MED12L: variants seen among roughly 807,000 people sequenced by gnomAD.
MED12L encodes the protein mediator complex subunit 12L, also known as mediator of RNA polymerase II transcription subunit 12-like protein.
A neutral mutation model predicts 281.3 loss-of-function variants in MED12L; 60 were observed. The observed-to-expected ratio is 0.21, with a 90% CI of 0.17 to 0.26. The LOEUF (loss-of-function observed/expected upper bound fraction) is 0.26. Among genes scored for constraint, MED12L ranks in the 10% least tolerant of loss-of-function variants. The pLI, the probability that MED12L is intolerant of heterozygous loss-of-function variation, is 1.00. For synonymous variants in MED12L, 974 were observed against 987.2 expected (o/e 0.99, Z 0.25); for missense variants, 2,146 against 2,680.9 (o/e 0.80, Z 4.41).
chr3:151,267,420 A>T (rs1740048114), intron 16 of MED12L, among the ~76,000 whole-genome samples: 1 of 152,194 alleles, frequency 6.6e-6, no homozygotes, highest in Non-Finnish European at 1.5e-5. Flanking sequence ...TATCAAGGTT[A>T]TATGTTACTT....
In MED12L at chr3:151,091,594, G is replaced by A. The variant is rs773827388; in HGVS notation, c.99+4569G>A. 4.7e-4 allele frequency among the ~76,000 whole-genome samples: 72 copies of A among 152,222 alleles called. 1 individual carries two copies. The highest frequency in any genetic ancestry group is 1.6e-4 in the Non-Finnish European group (11 of 68,044). ...GAAGTTGCAGTAGTTTGGTTTAACAGCCAACCCAGCCAAGATTTGGTGTTC... is the reference window on the plus strand; with the variant it reads ...GAAGTTGCAGTAGTTTGGTTTAACAACCAACCCAGCCAAGATTTGGTGTTC... On this transcript the variant is annotated intron_variant, in intron 2 of 44. Transcript: ENST00000687756.
In MED12L at chr3:151,158,681, C is replaced by A; in HGVS notation, c.727-8C>A. 3 of 1,570,626 alleles carry A rather than the reference C, an allele frequency of 1.9e-6. No individual in the cohort carries two copies. The highest frequency in any genetic ancestry group is 2.3e-5 in the East Asian group (1 of 44,436). ...ATTATTAATGTAATTTTTCTTTGTT[C>A]ATTTAAGGAAGGAATGTTAGAAAAA... On this transcript the variant is annotated splice_polypyrimidine_tract_variant and splice_region_variant and intron_variant, in intron 6 of 44. Transcript: ENST00000687756.
chr3:151,246,383 A>G lies in MED12L; in HGVS notation c.2250+52717A>G, dbSNP rs1735476281. 5.3e-5 allele frequency among the ~76,000 whole-genome samples: 8 copies of G among 152,072 alleles called. 2 individuals carry two copies. The highest frequency in any genetic ancestry group is 5.2e-4 in the Admixed American group (8 of 15,270). On this transcript the variant is annotated intron_variant, in intron 16 of 44. Transcript: ENST00000687756. ...TGACTTCAAACTATACTACAAGGCTACAGTAACCAAAACAGCATGGTACTG... is the reference window on the plus strand; with the variant it reads ...TGACTTCAAACTATACTACAAGGCTGCAGTAACCAAAACAGCATGGTACTG...
At chr3:151,266,342 T>C (rs1739832341) in intron 16 of MED12L, among the ~76,000 whole-genome samples, 1 of 152,222 alleles carries the variant, frequency 6.6e-6, no homozygotes, top group Non-Finnish European at 1.5e-5. Context: ...TATCACTGCA[T>C]GTGTCTGGAA....
rs765736163 is a variant in MED12L at position 151,387,845 on chromosome 3, G to T, written c.5124G>T (p.Pro1708=). 7.6e-5 allele frequency: 123 copies of T among 1,613,814 alleles called. No homozygotes were observed. Among genetic ancestry groups the T allele is most frequent in the Non-Finnish European group, 9.9e-5 (117 of 1,179,902 alleles). Residue 1708 remains proline (P), a synonymous_variant, in exon 37 of 45, where the codon CCG becomes CCT. Coordinates refer to ENST00000687756, the MANE Select transcript of MED12L (RefSeq NM_001393769.1). ...TCTCTACGAAGCAGAAGGTGTCCCC[G>T]TGGGACTTGTTTGAGGGTCAGAAGA... The part of the protein sequence containing the change: ...LQVSTKQKVS[P]WDLFEGQKNP...
At chr3:151,098,457 G>T (rs962720993) in intron 2 of MED12L, among the ~76,000 whole-genome samples, 1 of 152,164 alleles carries the variant, frequency 6.6e-6, no homozygotes, top group African/African-American at 2.4e-5. Context: ...GCAGGGCCAC[G>T]TTCCCTCTGA....
chr3:151,380,085 T>A (rs771209990), intron 31 of MED12L, 28 bp from the exon 32 acceptor site: 1 of 1,359,348 alleles, frequency 7.4e-7, no homozygotes, highest in Admixed American at 2.2e-5. Context: ...TCTAACTAGA[T>A]CTGTTGTTAT....
At chr3:151,269,490 A>T (rs765814858) in intron 16 of MED12L, 5 of 290,898 alleles carry the variant, frequency 1.7e-5, no homozygotes, top group Admixed American at 4.5e-5. Context: ...GTGAAAGCAG[A>T]ACAGAAGTAT....
chr3:151,313,443 A>G (rs182340901), intron 16 of MED12L, among the ~76,000 whole-genome samples: 1 of 152,262 alleles, frequency 6.6e-6, no homozygotes, highest in Non-Finnish European at 1.5e-5. Flanking sequence ...CAGTGGTTCA[A>G]GGTCAGAGCT....
chr3:151,304,524 C>T (rs1270724597), intron 16 of MED12L, among the ~76,000 whole-genome samples: 1 of 151,712 alleles, frequency 6.6e-6, no homozygotes, highest in Non-Finnish European at 1.5e-5. Flanking sequence ...GAGCCGAGGT[C>T]ATGCCATTGC....
intron 16 of MED12L, among the ~76,000 whole-genome samples, chr3:151,333,827 CCT>C (rs1750624247): frequency 2.0e-5 from 3 of 152,136 alleles, no homozygotes; most frequent in African/African-American, 7.2e-5. Flanking sequence ...CACCTGTAAT[CCT>C]AGCACTTTAG....
At chr3:151,336,315 T>A (rs1446161815) in intron 16 of MED12L, among the ~76,000 whole-genome samples, 1 of 152,208 alleles carries the variant, frequency 6.6e-6, no homozygotes, top group African/African-American at 2.4e-5. Flanking sequence ...AGTGCTCACT[T>A]TTAGTGGTGC....
chr3:151,191,931 C>A (rs1314150086), intron 14 of MED12L, among the ~76,000 whole-genome samples: 8 of 151,500 alleles, frequency 5.3e-5, no homozygotes, highest in African/African-American at 1.9e-4. Context: ...AAAAAAAAAA[C>A]ACCTCACAGT....
chr3:151,242,752 C>A (rs2149391269), intron 16 of MED12L, among the ~76,000 whole-genome samples: 1 of 152,310 alleles, frequency 6.6e-6, no homozygotes, highest in African/African-American at 2.4e-5. Flanking sequence ...AGCAGCGGAA[C>A]AAAGCTGGAT....
At chr3:151,242,470 A>C (rs1270813190) in intron 16 of MED12L, among the ~76,000 whole-genome samples, 1 of 151,652 alleles carries the variant, frequency 6.6e-6, no homozygotes, top group African/African-American at 2.4e-5. Flanking sequence ...CTGACCCCTG[A>C]GCAGCCTAAC....
intron 16 of MED12L, chr3:151,269,422 CACACACACACACACACACAA>C (rs1361224071): frequency 4.7e-6 from 1 of 214,286 alleles, no homozygotes; most frequent in African/African-American, 2.4e-5. Context: ...CACACACACA[CACACACACACACACACACAA>C]AATTCAGAGA....
chr3:151,294,849 C>G, intron 16 of MED12L: 1 of 1,613,960 alleles, frequency 6.2e-7, no homozygotes, highest in Non-Finnish European at 8.5e-7. Flanking sequence ...CTTATCAGCC[C>G]AAGGAACACG....
intron 43 of MED12L, among the ~76,000 whole-genome samples, chr3:151,429,597 T>C (rs1719244317): frequency 6.6e-6 from 1 of 152,238 alleles, no homozygotes; most frequent in Non-Finnish European, 1.5e-5. Context: ...GCTGCTTTTT[T>C]TCCTCTTTGG....
At chr3:151,227,651 A>G (rs745520960) in intron 16 of MED12L, among the ~76,000 whole-genome samples, 3 of 152,178 alleles carry the variant, frequency 2.0e-5, no homozygotes, top group South Asian at 2.1e-4. Context: ...ATGACCTCCA[A>G]TGGATACATA....
Sources: allele counts gnomAD v4.1 joint callset (sites outside exome capture counted in the v4.1 genomes callset), GRCh38; gene constraint gnomAD v4.1.1; transcripts MANE v1.5; gene names NCBI Gene and HGNC (gene_info 2026-07-23, HGNC 2026-07-21).